Variants in TDRD3 observed in about 807,000 individuals in gnomAD.
The protein encoded by TDRD3 is tudor domain containing 3.
Under a neutral mutation model 86.7 loss-of-function variants are expected in TDRD3, and 45 were observed. The ratio of observed to expected loss-of-function variants is 0.52; its 90% CI spans 0.41 to 0.67. TDRD3 has a LOEUF of 0.67. Ranked by LOEUF, TDRD3 falls within the 30% of genes least tolerant of loss-of-function variation. TDRD3 has a pLI of 0.00. For missense variants in TDRD3, 814 were observed against 889.0 expected (o/e 0.92, Z 1.07); for synonymous variants, 298 against 301.7 (o/e 0.99, Z 0.13).
At chr13:60,501,194 G>A (rs558549359) in intron 8 of TDRD3, among the ~76,000 whole-genome samples, 1 of 152,278 alleles carries the variant, frequency 6.6e-6, no homozygotes, top group African/African-American at 2.4e-5. Context: ...CCCCCCGCTG[G>A]AGTGGTAACT....
At position 60,444,689 on chromosome 13, in the gene TDRD3, C is replaced by T; in HGVS notation, c.133C>T (p.Leu45=). Residue 45 remains leucine (L), a synonymous_variant, in exon 3 of 14, where the codon CTG becomes TTG. Coordinates refer to ENST00000377881, the MANE Select transcript of TDRD3 (RefSeq NM_001146070.2). Reference sequence around the variant, plus strand: ...AATAATATTTTTATTTTAGACAGATCTGAGAACAATTGGCAAGAAATTCCT... The same window carrying T: ...AATAATATTTTTATTTTAGACAGATTTGAGAACAATTGGCAAGAAATTCCT... ...DIILIALNTD[L]RTIGKKFLPS... 1 of 1,457,906 alleles carries T rather than the reference C, an allele frequency of 6.9e-7. No individual in the cohort carries two copies. 90.3% of individuals were successfully genotyped at this position (1,457,906 alleles called of 1,614,324 possible).
intron 4 of TDRD3, among the ~76,000 whole-genome samples, chr13:60,466,795 TA>T (rs36047256): frequency 0.15 from 21,727 of 144,250 alleles, 1,528 homozygotes; most frequent in East Asian, 0.21. Context: ...CTCTGTCTTT[TA>T]AAAAAAAAAA....
At chr13:60,516,525 G>C (rs1430435406) in intron 10 of TDRD3, among the ~76,000 whole-genome samples, 3 of 152,156 alleles carry the variant, frequency 2.0e-5, no homozygotes, top group Non-Finnish European at 4.4e-5. Flanking sequence ...CAGTGTACTG[G>C]AGCAGATACA....
intron 1 of TDRD3, among the ~76,000 whole-genome samples, chr13:60,425,315 C>T (rs1322397413): frequency 1.3e-5 from 2 of 152,134 alleles, no homozygotes; most frequent in Middle Eastern, 3.2e-3. Context: ...TATGATGTAT[C>T]ACCTCACACC....
chr13:60,554,251 T>C (rs1958134700), intron 12 of TDRD3, among the ~76,000 whole-genome samples: 1 of 152,244 alleles, frequency 6.6e-6, no homozygotes, highest in African/African-American at 2.4e-5. Flanking sequence ...TCAGAGCAGC[T>C]TTTAAAAGAC....
Position 60,532,952 on chromosome 13 carries a change from T to A in TDRD3, c.1993-2156T>A, listed in dbSNP as rs997890903. Among the ~76,000 whole-genome samples the A allele has an allele frequency of 5.9e-5, 9 of 152,156 alleles. 1 individual carries two copies. The highest frequency in any genetic ancestry group is 8.8e-5 in the Non-Finnish European group (6 of 68,028). On this transcript the variant is annotated intron_variant, in intron 11 of 13. Coordinates refer to ENST00000377881, the MANE Select transcript of TDRD3 (RefSeq NM_001146070.2). ...ATATCCCAATAAACCCATCATAAGT[T>A]GAAAATATCATAAGTCAAAAATACA...
chr13:60,551,110 G>T (rs908440055), intron 12 of TDRD3, among the ~76,000 whole-genome samples: 10 of 151,984 alleles, frequency 6.6e-5, no homozygotes, highest in African/African-American at 2.4e-4. Context: ...TTTCCTTTTG[G>T]TCTACTTATA....
chr13:60,473,421 T>A (rs1457068349), intron 5 of TDRD3, among the ~76,000 whole-genome samples: 2 of 152,338 alleles, frequency 1.3e-5, no homozygotes, highest in East Asian at 3.9e-4. Flanking sequence ...ATTTTTTAAA[T>A]GATTCTGTTA....
intron 5 of TDRD3, among the ~76,000 whole-genome samples, chr13:60,479,937 T>C (rs11620542): frequency 0.15 from 22,594 of 152,158 alleles, 2,113 homozygotes; most frequent in South Asian, 0.28. Context: ...CAGTTGAGTC[T>C]TGCTTCTTTA....
At chr13:60,555,343 A>G (rs1958159414) in intron 12 of TDRD3, among the ~76,000 whole-genome samples, 1 of 152,240 alleles carries the variant, frequency 6.6e-6, no homozygotes, top group South Asian at 2.1e-4. Context: ...CATGATTACC[A>G]TTGGAATGCT....
chr13:60,513,680 C>G (rs1957107169), intron 10 of TDRD3, among the ~76,000 whole-genome samples: 1 of 152,150 alleles, frequency 6.6e-6, no homozygotes, highest in African/African-American at 2.4e-5. Flanking sequence ...TAGTGTAAGT[C>G]TCATGAGATC....
intron 3 of TDRD3, among the ~76,000 whole-genome samples, chr13:60,449,173 AAAG>A (rs1292436419): frequency 6.6e-6 from 1 of 152,174 alleles, no homozygotes; most frequent in African/African-American, 2.4e-5. Flanking sequence ...ATGTTTTTAA[AAAG>A]AAAAGGAATT....
chr13:60,520,879 T>G (rs554202312), intron 10 of TDRD3, among the ~76,000 whole-genome samples: 1 of 152,330 alleles, frequency 6.6e-6, no homozygotes, highest in African/African-American at 2.4e-5. Flanking sequence ...TTCCAAACGC[T>G]TTGTTTGGGC....
Position 60,478,801 on chromosome 13 carries a change from C to CTTT in TDRD3, c.496-4956_496-4954dup, listed in dbSNP as rs202146264. Among the ~76,000 whole-genome samples, 57 of 104,426 alleles carry CTTT rather than the reference C, an allele frequency of 5.5e-4. 1 individual carries two copies. Among genetic ancestry groups the CTTT allele is most frequent in the African/African-American group, 1.6e-3 (44 of 27,232 alleles). 68.5% of individuals were successfully genotyped at this position (104,426 alleles called of 152,430 possible). On this transcript the variant is annotated intron_variant, in intron 5 of 13. Coordinates refer to ENST00000377881, the MANE Select transcript of TDRD3 (RefSeq NM_001146070.2). ...CAACATTAGATTGTTAATTTGAGGACTTTTTTTTTTTTTTTTTTTTGAGAT... is the reference window on the plus strand; with the variant it reads ...CAACATTAGATTGTTAATTTGAGGACTTTTTTTTTTTTTTTTTTTTTTTGAGAT...
chr13:60,505,523 C>T (rs1439807575), intron 8 of TDRD3, among the ~76,000 whole-genome samples: 1 of 152,170 alleles, frequency 6.6e-6, no homozygotes, highest in Non-Finnish European at 1.5e-5. Context: ...CTTCAGCAGA[C>T]ATAAACATTC....
chr13:60,498,433 G>T (rs1363458345), intron 8 of TDRD3, among the ~76,000 whole-genome samples: 1 of 152,132 alleles, frequency 6.6e-6, no homozygotes, highest in African/African-American at 2.4e-5. Context: ...AAGCAAAACG[G>T]CAATCAGAAT....
At chr13:60,561,296 G>C (rs146138266) in intron 12 of TDRD3, among the ~76,000 whole-genome samples, 1,870 of 152,186 alleles carry the variant, frequency 0.012, 40 homozygotes, top group African/African-American at 0.043. Context: ...AGGGAGAAAG[G>C]CTCTGAACTC....
intron 3 of TDRD3, among the ~76,000 whole-genome samples, chr13:60,456,846 C>A (rs1343194312): frequency 1.3e-5 from 2 of 152,054 alleles, no homozygotes; most frequent in Admixed American, 1.3e-4. Flanking sequence ...CAAGCACACA[C>A]CACCACGCTT....
intron 1 of TDRD3, among the ~76,000 whole-genome samples, chr13:60,409,885 A>G (rs1954317480): frequency 6.6e-6 from 1 of 152,142 alleles, no homozygotes; most frequent in Non-Finnish European, 1.5e-5. Flanking sequence ...CAGGGTTGGA[A>G]TGATGTGGTT....
Sources: gnomAD v4.1 joint callset for allele counts (sites outside exome capture counted in the v4.1 genomes callset) on GRCh38, gnomAD v4.1.1 for gene constraint, MANE v1.5 for transcripts, NCBI Gene and HGNC (gene_info 2026-07-23, HGNC 2026-07-21) for gene names.